Variants in DNM2 observed in about 807,000 individuals in gnomAD.
DNM2 encodes the protein dynamin 2, also known as dynamin-2.
Under a neutral mutation model 99.0 loss-of-function variants are expected in DNM2, and 15 were observed. The ratio of observed to expected loss-of-function variants is 0.15; its 90% CI spans 0.10 to 0.23. The LOEUF (loss-of-function observed/expected upper bound fraction) is 0.23, where lower values mean the gene tolerates loss of function less well. DNM2 is among the 10% of genes least tolerant of loss of function. The probability of loss-of-function intolerance (pLI) is 1.00; values close to 1 mark genes in which losing one functional copy is unlikely to be tolerated. For synonymous variants in DNM2, 525 were observed against 481.2 expected, an observed-to-expected ratio of 1.09 and a Z score of -1.19; for missense variants, 742 against 1,189.4, an observed-to-expected ratio of 0.62 and a Z score of 5.53.
intron 12 of DNM2, chr19:10,802,584 G>C (rs2072191691): frequency 1.6e-6 from 1 of 622,488 alleles, no homozygotes; most frequent in African/African-American, 1.8e-5. Context: ...CCCATGGTTA[G>C]TTTAGGGAGA....
In DNM2 at chr19:10,811,592, G is replaced by A; in HGVS notation, c.1558-672G>A. 1 of 418,430 alleles carries A rather than the reference G, an allele frequency of 2.4e-6. No individual in the cohort carries two copies. 25.9% of individuals were successfully genotyped at this position (418,430 alleles called of 1,614,324 possible). Reference sequence around the variant, plus strand: ...GGCCCTCGTCCTGAGTGGGGTGGGGGGCTCTGCCCACACATGCCTCCAGCG... The same window carrying A: ...GGCCCTCGTCCTGAGTGGGGTGGGGAGCTCTGCCCACACATGCCTCCAGCG... On this transcript the variant is annotated intron_variant, in intron 14 of 20. Coordinates refer to ENST00000389253, the MANE Select transcript of DNM2 (RefSeq NM_001005361.3). The surrounding 1 kb of genome is among the most constrained non-coding windows in gnomAD (Gnocchi z 5.4).
chr19:10,794,467 G>T (rs969489062), intron 8 of DNM2, among the ~76,000 whole-genome samples: 2 of 152,038 alleles, frequency 1.3e-5, no homozygotes, highest in Non-Finnish European at 1.5e-5. Flanking sequence ...AGAGGAGCAA[G>T]ACCAAATGCA....
chr19:10,789,926 C>G (rs1033349011), intron 7 of DNM2, among the ~76,000 whole-genome samples: 1 of 152,244 alleles, frequency 6.6e-6, no homozygotes, highest in Non-Finnish European at 1.5e-5. Flanking sequence ...CCATCACAAA[C>G]AGTCCCTGTC....
intron 11 of DNM2, among the ~76,000 whole-genome samples, chr19:10,800,666 A>C (rs1234480940): frequency 6.6e-6 from 1 of 152,244 alleles, no homozygotes; most frequent in Non-Finnish European, 1.5e-5. Context: ...AGGGGAAGTG[A>C]CTGGCCAAGG....
chr19:10,748,047 T>C (rs1599469647), intron 1 of DNM2, among the ~76,000 whole-genome samples: 1 of 149,632 alleles, frequency 6.7e-6, no homozygotes, highest in Non-Finnish European at 1.5e-5. Flanking sequence ...AGACAGAGAG[T>C]AGGGGGAGGT....
rs1451741415 is a variant in DNM2, at chr19:10,804,687, CA to C, written c.1494-1224del. Among the ~76,000 whole-genome samples, 294 of 152,086 alleles carry C rather than the reference CA, an allele frequency of 1.9e-3. 4 individuals are homozygous for C. The highest frequency in any genetic ancestry group is 6.8e-3 in the African/African-American group (282 of 41,490). On this transcript the variant is annotated intron_variant, in intron 12 of 20. Transcript: ENST00000389253. ...TGGGTGACAGAGTGAGACTCTGTCT[CA>C]AAAATAAATAAGTAAATAAATAGCC...
Position 10,830,653 on chromosome 19 carries a change from G to T in DNM2, c.2543+275G>T. 1.7e-6 allele frequency: 1 copy of T among 586,240 alleles called. No individual in the cohort carries two copies. Among genetic ancestry groups the T allele is most frequent in the Non-Finnish European group, 3.0e-6 (1 of 332,918 alleles). The allele number at this position is 586,240 out of a possible 1,614,324, so 36.3% of individuals were successfully genotyped here. A position where few individuals can be genotyped will look rare whatever the true frequency, so the allele number is the denominator to read the frequency against. ...AGGCAGCTGGGGAACCCTCACACTG[G>T]GCACCTCCTCCCACTGTTTACCTTC... On this transcript the variant is annotated intron_variant, in intron 20 of 20. Transcript: ENST00000389253. This position sits in a 1 kb window ranked among gnomAD's most constrained non-coding sequence, Gnocchi z 4.8.
Position 10,820,196 on chromosome 19 carries a change from G to T in DNM2, c.1781+107G>T. The T allele has an allele frequency of 1.8e-6, 2 of 1,092,370 alleles. No individual in the cohort carries two copies. The highest frequency in any genetic ancestry group is 2.8e-6 in the Non-Finnish European group (2 of 719,430). The allele number at this position is 1,092,370 out of a possible 1,614,324, so 67.7% of individuals were successfully genotyped here. On this transcript the variant is annotated intron_variant, in intron 16 of 20. Coordinates refer to ENST00000389253, the MANE Select transcript of DNM2 (RefSeq NM_001005361.3). The surrounding 1 kb of genome is among the most constrained non-coding windows in gnomAD (Gnocchi z 4.3). ...GAGCACCTGGCTGTCAGCAGTCCCT[G>T]CCCTTGGGACCCAGCTTTTAGAAAG... is the stretch of plus-strand genomic sequence containing the variant.
intron 3 of DNM2, among the ~76,000 whole-genome samples, chr19:10,773,531 C>T (rs2145915621): frequency 6.6e-6 from 1 of 150,906 alleles, no homozygotes; most frequent in South Asian, 2.1e-4. Flanking sequence ...TCAATGCAAC[C>T]TTCACCTCCC....
intron 1 of DNM2, among the ~76,000 whole-genome samples, chr19:10,721,365 C>T (rs150064997): frequency 0.032 from 4,905 of 152,212 alleles, 82 homozygotes; most frequent in South Asian, 0.095. Context: ...CCATGTTGGC[C>T]AGGCTGGTCT....
chr19:10,807,731 T>C (rs2072398207), intron 13 of DNM2, among the ~76,000 whole-genome samples: 1 of 147,810 alleles, frequency 6.8e-6, no homozygotes, highest in Admixed American at 6.8e-5. Context: ...GTATTTTTAG[T>C]AGAGACAGGG....
At chr19:10,824,432 T>G (rs143202456) in intron 17 of DNM2, 3 of 198,606 alleles carry the variant, frequency 1.5e-5, no homozygotes, top group African/African-American at 7.0e-5. Flanking sequence ...ACCCGGGAGG[T>G]AGAGGTTGCA....
chr19:10,829,643 C>T (rs934553260), intron 19 of DNM2, among the ~76,000 whole-genome samples: 5 of 152,144 alleles, frequency 3.3e-5, no homozygotes, highest in East Asian at 1.9e-4. Context: ...AAACGCAAGG[C>T]GTGGCCAGAG....
Position 10,795,975 on chromosome 19 carries a change from G to A in DNM2, c.1196+536G>A. On this transcript the variant is annotated intron_variant, in intron 9 of 20. Coordinates refer to ENST00000389253, the MANE Select transcript of DNM2 (RefSeq NM_001005361.3). This position sits in a 1 kb window ranked among gnomAD's most constrained non-coding sequence, Gnocchi z 4.2. ...GACACAACCTTCATTCCTTGTTGGGGACCCGGCCAGGGCCAATGAAATTGC... is the reference window on the plus strand; with the variant it reads ...GACACAACCTTCATTCCTTGTTGGGAACCCGGCCAGGGCCAATGAAATTGC... The A allele has an allele frequency of 6.2e-7, 1 of 1,600,402 alleles. No homozygotes were observed. Among genetic ancestry groups the A allele is most frequent in the South Asian group, 1.1e-5 (1 of 90,562 alleles).
At chr19:10,782,029 T>C (rs1436999790) in intron 5 of DNM2, among the ~76,000 whole-genome samples, 2 of 152,134 alleles carry the variant, frequency 1.3e-5, no homozygotes, top group African/African-American at 4.8e-5. Flanking sequence ...GTTTTTAAGA[T>C]GTTATTTCTT....
At position 10,831,349 on chromosome 19, in the gene DNM2, G is replaced by GC; in HGVS notation, c.*304dup. 1 of 1,167,868 alleles carries GC rather than the reference G, an allele frequency of 8.6e-7. No individual in the cohort carries two copies. 72.3% of individuals were successfully genotyped at this position (1,167,868 alleles called of 1,614,324 possible). On this transcript the variant is annotated 3_prime_UTR_variant, in exon 21 of 21. Coordinates refer to ENST00000389253, the MANE Select transcript of DNM2 (RefSeq NM_001005361.3). The surrounding 1 kb of genome is among the most constrained non-coding windows in gnomAD (Gnocchi z 4.3). ...GACACCATCCTGAATGAGGGGTCCA[G>GC]CCTGGGGGGGACTCTACCAAGGTCT...
intron 11 of DNM2, 152 bp from the exon 12 acceptor site, chr19:10,802,136 G>A: frequency 2.7e-6 from 2 of 732,318 alleles, no homozygotes; most frequent in Non-Finnish European, 4.8e-6. Context: ...CTATGAGGGT[G>A]TGGGGAGTGC....
chr19:10,781,357 T>C (rs75254402), intron 5 of DNM2: 1 of 152,016 alleles, frequency 6.6e-6, no homozygotes, highest in Non-Finnish European at 1.5e-5. Context: ...TTCGTTTCCC[T>C]CCTCCCTCTT....
chr19:10,718,805 G>C (rs939000511), intron 1 of DNM2, among the ~76,000 whole-genome samples: 10 of 152,068 alleles, frequency 6.6e-5, no homozygotes, highest in Non-Finnish European at 1.3e-4. Flanking sequence ...CGACCGCTGC[G>C]GTCTGGCTGG....
Sources: allele counts gnomAD v4.1 joint callset (sites outside exome capture counted in the v4.1 genomes callset), GRCh38; gene constraint gnomAD v4.1.1; non-coding constraint Gnocchi (gnomAD v3.1); transcripts MANE v1.5; gene names NCBI Gene and HGNC (gene_info 2026-07-23, HGNC 2026-07-21).